BICC1: variants seen among roughly 807,000 people sequenced by gnomAD.
BICC1 encodes the protein BicC family RNA binding protein 1.
BICC1 carries 43 observed loss-of-function variants against 111.0 expected under a neutral mutation model. The observed-to-expected ratio is 0.39, with a 90% confidence interval of 0.30 to 0.50. The LOEUF (loss-of-function observed/expected upper bound fraction) is 0.50, where lower values mean the gene tolerates loss of function less well. BICC1 is among the 20% of genes least tolerant of loss of function. The probability of loss-of-function intolerance (pLI) is 0.88; values close to 1 mark genes in which losing one functional copy is unlikely to be tolerated. For synonymous variants in BICC1, 467 were observed against 434.4 expected, an observed-to-expected ratio of 1.07 and a Z score of -0.93; for missense variants, 1,091 against 1,203.2, an observed-to-expected ratio of 0.91 and a Z score of 1.38.
chr10:58,808,986 A>T (rs1264276012), intron 17 of BICC1, among the ~76,000 whole-genome samples: 2 of 149,666 alleles, frequency 1.3e-5, no homozygotes, highest in Admixed American at 1.3e-4. Context: ...AAGTGCTAGG[A>T]TTACAGGTGT....
chr10:58,595,900 CT>C (rs1281633432), intron 1 of BICC1, among the ~76,000 whole-genome samples: 11 of 152,108 alleles, frequency 7.2e-5, no homozygotes, highest in African/African-American at 2.7e-4. Context: ...ATGAAAAACT[CT>C]TTAAAAAATC....
intron 18 of BICC1, 180 bp downstream of exon 18, chr10:58,814,166 C>A: frequency 1.4e-6 from 1 of 716,488 alleles, no homozygotes; most frequent in Non-Finnish European, 2.5e-6. Context: ...GTTCTCTTTC[C>A]TCTCACTCCA....
At chr10:58,652,273 T>C (rs1838473008) in intron 2 of BICC1, among the ~76,000 whole-genome samples, 1 of 152,132 alleles carries the variant, frequency 6.6e-6, no homozygotes, top group Admixed American at 6.6e-5. Flanking sequence ...TATTATTGCT[T>C]GGATAAGTAA....
At chr10:58,559,142 G>A (rs896614700) in intron 1 of BICC1, among the ~76,000 whole-genome samples, 5 of 151,578 alleles carry the variant, frequency 3.3e-5, no homozygotes, top group African/African-American at 9.7e-5. Context: ...ATTGAGCCCC[G>A]AAAAATAATG....
chr10:58,532,749 A>T (rs1842714946), intron 1 of BICC1, among the ~76,000 whole-genome samples: 1 of 151,892 alleles, frequency 6.6e-6, no homozygotes, highest in Non-Finnish European at 1.5e-5. Flanking sequence ...ATCAAAGTTG[A>T]ACAAATTTTC....
intron 2 of BICC1, among the ~76,000 whole-genome samples, chr10:58,628,644 A>T (rs6481413): frequency 4.5e-4 from 68 of 152,292 alleles, no homozygotes; most frequent in African/African-American, 1.6e-3. Flanking sequence ...TGGCAACAAT[A>T]TCTGGGTATA....
chr10:58,517,957 T>C (rs998084617), intron 1 of BICC1, among the ~76,000 whole-genome samples: 6 of 150,942 alleles, frequency 4.0e-5, no homozygotes, highest in African/African-American at 1.5e-4. Flanking sequence ...TCTTAAATTA[T>C]CTTACGATTA....
At chr10:58,760,991 T>G (rs2132681410) in intron 3 of BICC1, among the ~76,000 whole-genome samples, 1 of 152,216 alleles carries the variant, frequency 6.6e-6, no homozygotes, top group East Asian at 1.9e-4. Context: ...CTAGTAATCC[T>G]TTTTGTTTAT....
At chr10:58,709,878 G>A (rs1306109535) in intron 3 of BICC1, among the ~76,000 whole-genome samples, 1 of 152,160 alleles carries the variant, frequency 6.6e-6, no homozygotes, top group East Asian at 1.9e-4. Context: ...GTCATTCACA[G>A]GACACCTGAA....
At chr10:58,741,188 G>A (rs1046350344) in intron 3 of BICC1, among the ~76,000 whole-genome samples, 3 of 152,190 alleles carry the variant, frequency 2.0e-5, no homozygotes, top group Non-Finnish European at 4.4e-5. Context: ...GGTGTTGACC[G>A]TAATACAGAT....
chr10:58,710,352 A>G (rs1293181759), intron 3 of BICC1, among the ~76,000 whole-genome samples: 1 of 152,158 alleles, frequency 6.6e-6, no homozygotes. Context: ...TCCATAATGT[A>G]TAATAATATC....
At chr10:58,822,360 A>AGGTT (rs1170420457) in intron 20 of BICC1, among the ~76,000 whole-genome samples, 2 of 152,174 alleles carry the variant, frequency 1.3e-5, no homozygotes, top group African/African-American at 4.8e-5. Context: ...ATACATTCAC[A>AGGTT]GGTTGTAGAT....
chr10:58,692,038 A>T (rs7897958), intron 2 of BICC1, among the ~76,000 whole-genome samples: 39,392 of 152,004 alleles, frequency 0.26, 6,599 homozygotes, highest in African/African-American at 0.48. Flanking sequence ...ACTTATTGAG[A>T]TCCTATGTGC....
intron 3 of BICC1, chr10:58,715,893 T>G (rs2132502556): frequency 2.4e-6 from 3 of 1,233,284 alleles, no homozygotes; most frequent in Admixed American, 2.0e-5. Flanking sequence ...GCTCTGATTC[T>G]TCCAGCAATT....
intron 1 of BICC1, among the ~76,000 whole-genome samples, chr10:58,584,597 T>C (rs932881504): frequency 1.9e-4 from 29 of 152,192 alleles, no homozygotes; most frequent in Admixed American, 6.5e-5. Flanking sequence ...TTTTCCTCAT[T>C]ACACAGAAAG....
chr10:58,680,409 G>A (rs1279408826), intron 2 of BICC1, among the ~76,000 whole-genome samples: 1 of 152,090 alleles, frequency 6.6e-6, no homozygotes, highest in East Asian at 1.9e-4. Context: ...AATCATAAGT[G>A]AACTCCCATT....
chr10:58,729,071 G>A (rs12242554), intron 3 of BICC1, among the ~76,000 whole-genome samples: 1 of 152,250 alleles, frequency 6.6e-6, no homozygotes, highest in South Asian at 2.1e-4. Flanking sequence ...CATTGGCTTC[G>A]ACTTGTAGTC....
chr10:58,691,705 A>G (rs1033180838), intron 2 of BICC1, among the ~76,000 whole-genome samples: 4 of 152,204 alleles, frequency 2.6e-5, no homozygotes, highest in African/African-American at 9.6e-5. Context: ...AATGGAAACA[A>G]CAGAACTGAG....
At chr10:58,528,095 A>G (rs1460940541) in intron 1 of BICC1, among the ~76,000 whole-genome samples, 1 of 151,942 alleles carries the variant, frequency 6.6e-6, no homozygotes, top group Non-Finnish European at 1.5e-5. Flanking sequence ...TATAGAATAA[A>G]TGACCCATGA....
Sources: allele counts gnomAD v4.1 joint callset (sites outside exome capture counted in the v4.1 genomes callset), GRCh38; gene constraint gnomAD v4.1.1; transcripts MANE v1.5; gene names NCBI Gene and HGNC (gene_info 2026-07-23, HGNC 2026-07-21).